The following OCA2 variants were observed in gnomAD, a reference collection of about 807,000 sequenced individuals.
OCA2 encodes OCA2 melanosomal transmembrane protein.
A neutral mutation model predicts 100.2 loss-of-function variants in OCA2; 77 were observed. The observed-to-expected ratio is 0.77, with a 90% CI of 0.64 to 0.93. The LOEUF is 0.93. Among genes scored for constraint, OCA2 ranks in the 40% least tolerant of loss-of-function variants. The probability of loss-of-function intolerance (pLI) is 0.00; values close to 1 mark genes in which losing one functional copy is unlikely to be tolerated. For missense variants in OCA2, 1,062 were observed against 1,089.1 expected (o/e 0.98, Z 0.35); for synonymous variants, 432 against 439.2 (o/e 0.98, Z 0.21).
intron 18 of OCA2, among the ~76,000 whole-genome samples, chr15:27,941,574 A>C (rs560375150): frequency 2.0e-5 from 3 of 152,306 alleles, no homozygotes; most frequent in African/African-American, 7.2e-5. Context: ...TTTGGAGCTA[A>C]TAAAAGGAGA....
Position 28,052,023 on chromosome 15 carries a change from G to A in OCA2, c.228-19860C>T, listed in dbSNP as rs11852331. ...CTCCTATCAGAGGCTGGGCCTGGCC[G>A]GGTAACCCACAGATCAGTGACCCCC... is the stretch of plus-strand genomic sequence containing the variant. On this transcript the variant is annotated intron_variant, in intron 2 of 23. Coordinates refer to ENST00000354638, the MANE Select transcript of OCA2 (RefSeq NM_000275.3). 1.3e-3 allele frequency among the ~76,000 whole-genome samples: 200 copies of A among 152,226 alleles called. 1 individual carries two copies. Among genetic ancestry groups the A allele is most frequent in the African/African-American group, 4.5e-3 (185 of 41,542 alleles).
intron 19 of OCA2, among the ~76,000 whole-genome samples, chr15:27,913,407 A>G (rs1158802999): frequency 6.6e-6 from 1 of 152,166 alleles, no homozygotes; most frequent in Non-Finnish European, 1.5e-5. Context: ...AAGATTAGAT[A>G]TATCAAATAC....
intron 23 of OCA2, among the ~76,000 whole-genome samples, chr15:27,756,840 G>C (rs545677997): frequency 6.6e-6 from 1 of 152,352 alleles, no homozygotes; most frequent in East Asian, 1.9e-4. Context: ...GACCTTGCTT[G>C]AGAAGCCCAA....
At chr15:27,974,540 A>T (rs1357765221) in intron 14 of OCA2, among the ~76,000 whole-genome samples, 1 of 152,170 alleles carries the variant, frequency 6.6e-6, no homozygotes, top group Non-Finnish European at 1.5e-5. Context: ...GCCGAGGCAG[A>T]TGGATCACCT....
At chr15:27,905,414 C>T (rs962279994) in intron 19 of OCA2, among the ~76,000 whole-genome samples, 11 of 152,210 alleles carry the variant, frequency 7.2e-5, no homozygotes, top group Non-Finnish European at 1.6e-4. Flanking sequence ...GCTGTCCCAG[C>T]AACAAAGCTT....
At chr15:27,870,769 GGAAAGAAAGAAAGAAAGAAAAAGAAA>G (rs1567042431) in intron 21 of OCA2, among the ~76,000 whole-genome samples, 5 of 142,414 alleles carry the variant, frequency 3.5e-5, no homozygotes, top group African/African-American at 1.4e-4. Context: ...AAGACAGAAA[GGAAAGAAAGAAAGAAAGAAAAAGAAA>G]GAAAGAAAGA....
At chr15:27,731,349 A>G in the OCA2 span, among the ~76,000 whole-genome samples, 2 of 152,250 alleles carry the variant, frequency 1.3e-5, no homozygotes, top group African/African-American at 4.8e-5. Context: ...TAAAAATACT[A>G]TTAAGCAAGA....
intron 23 of OCA2, among the ~76,000 whole-genome samples, chr15:27,790,019 A>G (rs1295328737): frequency 6.6e-6 from 1 of 152,188 alleles, no homozygotes; most frequent in East Asian, 1.9e-4. Context: ...ACTCAGGAAA[A>G]TTTTTCAAAT....
chr15:28,094,781 G>T (rs1016258404), intron 1 of OCA2, among the ~76,000 whole-genome samples: 5 of 152,118 alleles, frequency 3.3e-5, no homozygotes, highest in Non-Finnish European at 5.9e-5. Context: ...GGCCCTCAAC[G>T]CCCCGCCGTG....
chr15:27,821,892 T>A (rs1373368245), intron 23 of OCA2, among the ~76,000 whole-genome samples: 1 of 152,232 alleles, frequency 6.6e-6, no homozygotes, highest in African/African-American at 2.4e-5. Context: ...TCCTTGTCTG[T>A]GTCTTAACAA....
chr15:27,892,845 A>AC (rs2037521590), intron 19 of OCA2, among the ~76,000 whole-genome samples: 1 of 152,212 alleles, frequency 6.6e-6, no homozygotes, highest in African/African-American at 2.4e-5. Context: ...GGAGAGAGAC[A>AC]CAAATCACCA....
intron 9 of OCA2, among the ~76,000 whole-genome samples, chr15:28,006,659 G>C (rs765220057): frequency 5.3e-5 from 8 of 152,280 alleles, no homozygotes; most frequent in Non-Finnish European, 1.0e-4. Flanking sequence ...AAAAGGAGAG[G>C]TATCTCTGGA....
At chr15:27,931,906 G>T (rs917652919) in intron 18 of OCA2, among the ~76,000 whole-genome samples, 1 of 152,202 alleles carries the variant, frequency 6.6e-6, no homozygotes, top group East Asian at 1.9e-4. Flanking sequence ...TGTTCATCTG[G>T]TCCTCACTGA....
chr15:27,882,098 G>A (rs1277817333), intron 19 of OCA2, among the ~76,000 whole-genome samples: 3 of 152,060 alleles, frequency 2.0e-5, no homozygotes, highest in Non-Finnish European at 4.4e-5. Context: ...CTTGATTTCT[G>A]CCTTGATTTC....
At chr15:27,776,974 T>TGGGG (rs368182175) in intron 23 of OCA2, among the ~76,000 whole-genome samples, 10 of 43,138 alleles carry the variant, frequency 2.3e-4, no homozygotes, top group Non-Finnish European at 4.3e-4. Flanking sequence ...GAGCGTGAGG[T>TGGGG]GGGGGGGGGT....
At chr15:28,049,071 G>A (rs1391202237) in intron 2 of OCA2, among the ~76,000 whole-genome samples, 1 of 152,106 alleles carries the variant, frequency 6.6e-6, no homozygotes, top group Non-Finnish European at 1.5e-5. Context: ...GAAATTGCTT[G>A]CAAATCATAT....
intron 23 of OCA2, among the ~76,000 whole-genome samples, chr15:27,759,789 G>C (rs2030685783): frequency 6.6e-6 from 1 of 152,118 alleles, no homozygotes; most frequent in South Asian, 2.1e-4. Flanking sequence ...CTCTCTCTCT[G>C]TAATTCATGG....
chr15:27,902,607 C>T (rs193213985), intron 19 of OCA2, among the ~76,000 whole-genome samples: 1 of 152,238 alleles, frequency 6.6e-6, no homozygotes, highest in African/African-American at 2.4e-5. Context: ...TCCCAGGACA[C>T]GCAGGGGCCT....
Position 27,966,809 on chromosome 15 carries a change from G to A in OCA2, c.1517C>T (p.Ala506Val). The A allele has an allele frequency of 1.9e-6, 3 of 1,611,178 alleles. No homozygotes were observed. The highest frequency in any genetic ancestry group is 1.1e-5 in the South Asian group (1 of 90,782). Residue 506 changes from alanine (A) to valine (V), a missense_variant, in exon 15 of 24, where the codon GCC (alanine) becomes GTC (valine). Coordinates refer to ENST00000354638, the MANE Select transcript of OCA2 (RefSeq NM_000275.3). Reference sequence around the variant, plus strand: ...AATGAACATGTGTGCAGTGAATCCGGCAAAGTCCAGGCCCTGGAAATAAAC... The same window carrying A: ...AATGAACATGTGTGCAGTGAATCCGACAAAGTCCAGGCCCTGGAAATAAAC... The part of the protein sequence containing the change: ...QELRKMGLDF[A>V]GFTAHMFIGI...
Sources: gnomAD v4.1 joint callset for allele counts (sites outside exome capture counted in the v4.1 genomes callset) on GRCh38, gnomAD v4.1.1 for gene constraint, MANE v1.5 for transcripts, NCBI Gene and HGNC (gene_info 2026-07-23, HGNC 2026-07-21) for gene names.